The following SLC22A3 variants were observed in gnomAD, a reference collection of about 807,000 sequenced individuals.
The protein encoded by SLC22A3 is EMT organic cation transporter 3.
A neutral mutation model predicts 59.1 loss-of-function variants in SLC22A3; 51 were observed. The observed-to-expected ratio is 0.86, with a 90% CI of 0.69 to 1.09. The LOEUF (loss-of-function observed/expected upper bound fraction) is 1.09, where lower values mean the gene tolerates loss of function less well. Ranked by LOEUF, SLC22A3 falls within the 50% of genes least tolerant of loss-of-function variation. SLC22A3 has a pLI of 0.00. For missense variants in SLC22A3, 711 were observed against 726.3 expected, an observed-to-expected ratio of 0.98 and a Z score of 0.24; for synonymous variants, 325 against 292.0, an observed-to-expected ratio of 1.11 and a Z score of -1.15.
intron 1 of SLC22A3, among the ~76,000 whole-genome samples, chr6:160,393,275 A>G (rs1469595785): frequency 1.3e-5 from 2 of 151,080 alleles, no homozygotes; most frequent in Non-Finnish European, 2.9e-5. Flanking sequence ...TTATTTATTT[A>G]TTTATTTTAT....
chr6:160,438,207 G>A (rs1022881492), intron 7 of SLC22A3, among the ~76,000 whole-genome samples: 2 of 152,126 alleles, frequency 1.3e-5, no homozygotes, highest in African/African-American at 2.4e-5. Flanking sequence ...AGAGGGTGCC[G>A]TGACTCCTGA....
chr6:160,388,555 C>T (rs1023979294), intron 1 of SLC22A3, among the ~76,000 whole-genome samples: 4 of 152,262 alleles, frequency 2.6e-5, no homozygotes, highest in East Asian at 1.9e-4. Flanking sequence ...TAATGATTTA[C>T]TAAGTTGCTG....
At chr6:160,412,712 T>C (rs1787306873) in intron 5 of SLC22A3, among the ~76,000 whole-genome samples, 1 of 152,192 alleles carries the variant, frequency 6.6e-6, no homozygotes, top group South Asian at 2.1e-4. Context: ...CACTCATCCA[T>C]TGTCTATAGT....
At chr6:160,426,364 G>A in intron 5 of SLC22A3, 3 of 985,178 alleles carry the variant, frequency 3.0e-6, no homozygotes, top group Non-Finnish European at 2.4e-6. Context: ...GCAGAGTTGG[G>A]TTACTTAAGA....
intron 1 of SLC22A3, among the ~76,000 whole-genome samples, chr6:160,369,372 G>A (rs1276964452): frequency 2.6e-5 from 4 of 152,162 alleles, no homozygotes; most frequent in African/African-American, 9.7e-5. Context: ...TACAAGTCAT[G>A]GGAAACAATA....
chr6:160,432,632 T>G (rs903866965), intron 5 of SLC22A3, among the ~76,000 whole-genome samples: 30 of 152,302 alleles, frequency 2.0e-4, no homozygotes, highest in Middle Eastern at 3.4e-3. Context: ...TTCACCATGT[T>G]GGCCAGGCTG....
chr6:160,382,499 C>G (rs1785833945), intron 1 of SLC22A3, among the ~76,000 whole-genome samples: 1 of 152,148 alleles, frequency 6.6e-6, no homozygotes, highest in Non-Finnish European at 1.5e-5. Flanking sequence ...TAGTTTGAGT[C>G]CAGGTCAGCT....
At chr6:160,448,372 G>A (rs1190251922) in intron 10 of SLC22A3, among the ~76,000 whole-genome samples, 1 of 152,028 alleles carries the variant, frequency 6.6e-6, no homozygotes, top group African/African-American at 2.4e-5. Flanking sequence ...ATAGGTAGAT[G>A]GATGATAGAT....
At chr6:160,402,869 G>C (rs1302070813) in intron 2 of SLC22A3, among the ~76,000 whole-genome samples, 1 of 151,550 alleles carries the variant, frequency 6.6e-6, no homozygotes, top group African/African-American at 2.4e-5. Context: ...AAACACTCAA[G>C]ACTTTTGGAA....
intron 1 of SLC22A3, among the ~76,000 whole-genome samples, chr6:160,371,138 CACA>C (rs568778412): frequency 4.6e-5 from 7 of 152,216 alleles, no homozygotes; most frequent in Non-Finnish European, 1.0e-4. Context: ...GCCCTTAGTG[CACA>C]ACAACATGCC....
rs201996388 is a variant in SLC22A3 at position 160,381,530 on chromosome 6, A to C, written c.430-16449A>C. On this transcript the variant is annotated intron_variant, in intron 1 of 10. Transcript: ENST00000275300. The stretch of plus-strand genomic sequence containing the variant: ...GAAAGTATATGAATATATTGTTTAA[A>C]CACTAATAGTTAAAAGTTATACTAC... 5.9e-5 allele frequency among the ~76,000 whole-genome samples: 9 copies of C among 152,232 alleles called. No homozygotes were observed. In the East Asian group the frequency reaches 1.7e-3, roughly 29 times the overall value.
chr6:160,426,031 G>C (rs1787938287), intron 5 of SLC22A3: 1 of 985,310 alleles, frequency 1.0e-6, no homozygotes, highest in Admixed American at 6.2e-5. Flanking sequence ...AGTGAACAAT[G>C]AGTTACCATG....
intron 1 of SLC22A3, among the ~76,000 whole-genome samples, chr6:160,364,249 G>T (rs1472679057): frequency 6.6e-6 from 1 of 152,208 alleles, no homozygotes. Context: ...TACACTCCAT[G>T]TGGTAGATGG....
At chr6:160,430,263 T>C (rs1788102859) in intron 5 of SLC22A3, among the ~76,000 whole-genome samples, 1 of 152,076 alleles carries the variant, frequency 6.6e-6, no homozygotes, top group Admixed American at 6.6e-5. Flanking sequence ...CTGCTACTGA[T>C]GAGAAAACTA....
At position 160,402,600 on chromosome 6, in the gene SLC22A3, C is replaced by T. The variant is rs316236; in HGVS notation, c.534-4441C>T. Among the ~76,000 whole-genome samples, 796 of 151,656 alleles carry T rather than the reference C, an allele frequency of 5.2e-3. 12 individuals carry two copies. In the East Asian group the frequency reaches 0.063, roughly 12 times the overall value. On this transcript the variant is annotated intron_variant, in intron 2 of 10. Transcript: ENST00000275300. ...GCAGACTTAACATTTTTTTCAAGTT[C>T]TAATGAAATATTCACATGCAATATT...
chr6:160,431,463 C>A (rs1293273874), intron 5 of SLC22A3, among the ~76,000 whole-genome samples: 1 of 152,126 alleles, frequency 6.6e-6, no homozygotes, highest in African/African-American at 2.4e-5. Flanking sequence ...TTAAATGTAG[C>A]AAAATATGTA....
At chr6:160,348,921 T>G in intron 1 of SLC22A3, 73 bp downstream of exon 1, 1 of 1,532,990 alleles carries the variant, frequency 6.5e-7, no homozygotes, top group South Asian at 1.2e-5. Flanking sequence ...AAGCCGCGTG[T>G]GAGACGCTGG....
At chr6:160,416,307 C>A (rs536682938) in intron 5 of SLC22A3, among the ~76,000 whole-genome samples, 1 of 152,260 alleles carries the variant, frequency 6.6e-6, no homozygotes, top group Non-Finnish European at 1.5e-5. Flanking sequence ...GTGGCTTGAG[C>A]TCCTAGGAGG....
intron 5 of SLC22A3, chr6:160,425,806 G>T (rs542129352): frequency 1.0e-6 from 1 of 984,828 alleles, no homozygotes; most frequent in East Asian, 1.1e-4. Context: ...TCAAGTCACC[G>T]TTCAAAGTTG....
Sources: allele counts gnomAD v4.1 joint callset (sites outside exome capture counted in the v4.1 genomes callset), GRCh38; gene constraint gnomAD v4.1.1; transcripts MANE v1.5; gene names NCBI Gene and HGNC (gene_info 2026-07-23, HGNC 2026-07-21).